GSG1L2: variants seen among roughly 807,000 people sequenced by gnomAD.
GSG1L2 encodes the protein GSG1 like 2, also known as germ cell-specific gene 1-like protein 2.
GSG1L2 carries 15 observed loss-of-function variants against 9.0 expected under a neutral mutation model. That is an observed-to-expected ratio of 1.67 (90% CI 1.12 to 2.57). The LOEUF is 2.57. GSG1L2 is among the 30% of genes most tolerant of loss of function. The probability of loss-of-function intolerance (pLI) is 0.00; values close to 1 mark genes in which losing one functional copy is unlikely to be tolerated. For synonymous variants in GSG1L2, 127 were observed against 57.9 expected (o/e 2.19, Z -5.41); for missense variants, 286 against 150.3 (o/e 1.90, Z -4.72).
At chr17:9,806,394 C>A (rs572454622) in intron 4 of GSG1L2, among the ~76,000 whole-genome samples, 236 of 152,276 alleles carry the variant, frequency 1.5e-3, no homozygotes, top group Middle Eastern at 3.4e-3. Context: ...TGGTGGGTAT[C>A]AGAAGGGTGG....
At chr17:9,816,777 GTGTC>G (rs1567711455) in intron 1 of GSG1L2, among the ~76,000 whole-genome samples, 6 of 148,978 alleles carry the variant, frequency 4.0e-5, no homozygotes, top group East Asian at 2.0e-4. Context: ...GTGTGCGTGT[GTGTC>G]TGTGTGTGCG....
chr17:9,819,972 C>T (rs1478080439), intron 1 of GSG1L2, among the ~76,000 whole-genome samples: 1 of 151,830 alleles, frequency 6.6e-6, no homozygotes, highest in Non-Finnish European at 1.5e-5. Context: ...GCCTGTAATC[C>T]CAGCTTCTGG....
intron 1 of GSG1L2, among the ~76,000 whole-genome samples, chr17:9,818,819 C>T (rs1009433278): frequency 3.3e-5 from 5 of 152,144 alleles, no homozygotes; most frequent in South Asian, 2.1e-4. Flanking sequence ...CTATCACCCC[C>T]GTTTCCATTT....
intron 1 of GSG1L2, among the ~76,000 whole-genome samples, chr17:9,813,695 C>T (rs1597943108): frequency 6.6e-6 from 1 of 152,340 alleles, no homozygotes; most frequent in East Asian, 1.9e-4. Context: ...CACGTCGCCT[C>T]ATCCGATCCC....
chr17:9,816,952 CTG>C (rs1567711634), intron 1 of GSG1L2, among the ~76,000 whole-genome samples: 1 of 73,066 alleles, frequency 1.4e-5, no homozygotes. Context: ...AGTAAACACT[CTG>C]TGGGTTTGCA....
chr17:9,813,317 G>A (rs551531077), intron 1 of GSG1L2, among the ~76,000 whole-genome samples: 47 of 152,130 alleles, frequency 3.1e-4, no homozygotes, highest in Non-Finnish European at 6.5e-4. Flanking sequence ...ACCATTTCCT[G>A]GAGCTTCTCC....
intron 4 of GSG1L2, among the ~76,000 whole-genome samples, chr17:9,807,017 C>T (rs1190914494): frequency 2.6e-5 from 4 of 152,152 alleles, no homozygotes; most frequent in Non-Finnish European, 2.9e-5. Flanking sequence ...TTTTAAGATA[C>T]GATATGCTTC....
intron 1 of GSG1L2, among the ~76,000 whole-genome samples, chr17:9,813,249 C>T (rs1253118496): frequency 6.6e-6 from 1 of 152,218 alleles, no homozygotes. Context: ...CACACTTCTG[C>T]ATCACCCCTC....
At chr17:9,815,586 G>A (rs936086468) in intron 1 of GSG1L2, among the ~76,000 whole-genome samples, 3 of 152,166 alleles carry the variant, frequency 2.0e-5, no homozygotes, top group African/African-American at 4.8e-5. Context: ...GCTAATGTGC[G>A]TTGTGAATTT....
intron 2 of GSG1L2, 85 bp from the exon 3 acceptor site, chr17:9,809,067 C>G (rs149978687): frequency 3.0e-6 from 2 of 661,796 alleles, no homozygotes; most frequent in Non-Finnish European, 5.5e-6. Context: ...TAGTTCACTT[C>G]TAAACAAAAC....
intron 1 of GSG1L2, among the ~76,000 whole-genome samples, chr17:9,817,834 C>T (rs2066573684): frequency 6.6e-6 from 1 of 152,048 alleles, no homozygotes; most frequent in Admixed American, 6.6e-5. Flanking sequence ...ATGGAAAAGC[C>T]ATGTGAGCCA....
At chr17:9,805,715 T>A (rs1456407617) in intron 4 of GSG1L2, 1 of 152,120 alleles carries the variant, frequency 6.6e-6, no homozygotes, top group East Asian at 1.9e-4. Context: ...TGATGATAGC[T>A]CTAGACTGCA....
rs138913105 is a variant in GSG1L2, at chr17:9,815,842, T to C, written c.311-5224A>G. Among the ~76,000 whole-genome samples, 392 of 152,246 alleles carry C rather than the reference T, an allele frequency of 2.6e-3. 1 individual carries two copies. The highest frequency in any genetic ancestry group is 8.7e-3 in the African/African-American group (362 of 41,544). On this transcript the variant is annotated intron_variant, in intron 1 of 4. Coordinates refer to ENST00000399363, the MANE Select transcript of GSG1L2 (RefSeq NM_001310219.2). The stretch of plus-strand genomic sequence containing the variant: ...CAAACTCATGTTGAAATTTAATCCC[T>C]AGTGAGGCAGAATTGAGAGGTGGGA...
chr17:9,805,159 T>A (rs1308673908), intron 4 of GSG1L2: 4 of 152,198 alleles, frequency 2.6e-5, no homozygotes, highest in Non-Finnish European at 5.9e-5. Context: ...ACAAGTGTTT[T>A]CTAAAAGGAG....
chr17:9,816,112 T>C (rs1422468374), intron 1 of GSG1L2, among the ~76,000 whole-genome samples: 1 of 152,228 alleles, frequency 6.6e-6, no homozygotes, highest in African/African-American at 2.4e-5. Context: ...CGACCGTGGA[T>C]TTCCCAGCCT....
chr17:9,818,451 A>G (rs2066576116), intron 1 of GSG1L2, among the ~76,000 whole-genome samples: 1 of 149,384 alleles, frequency 6.7e-6, no homozygotes, highest in African/African-American at 2.5e-5. Context: ...CTCCTGCCTC[A>G]GCCTTCCAAG....
chr17:9,809,850 C>G (rs1028529533), intron 2 of GSG1L2: 1 of 152,220 alleles, frequency 6.6e-6, no homozygotes, highest in African/African-American at 2.4e-5. Flanking sequence ...TCATCTTTGC[C>G]TTTTGCAAGA....
chr17:9,817,513 C>T (rs1368208143), intron 1 of GSG1L2, among the ~76,000 whole-genome samples: 1 of 151,792 alleles, frequency 6.6e-6, no homozygotes, highest in African/African-American at 2.4e-5. Flanking sequence ...CAACCCCCGC[C>T]TCCCAGGTTC....
intron 4 of GSG1L2, among the ~76,000 whole-genome samples, chr17:9,806,966 G>A (rs888857034): frequency 1.3e-5 from 2 of 152,280 alleles, no homozygotes; most frequent in South Asian, 2.1e-4. Flanking sequence ...TAACATAAGA[G>A]GTTGTTATAT....
Sources: gnomAD v4.1 joint callset for allele counts (sites outside exome capture counted in the v4.1 genomes callset) on GRCh38, gnomAD v4.1.1 for gene constraint, MANE v1.5 for transcripts, NCBI Gene and HGNC (gene_info 2026-07-23, HGNC 2026-07-21) for gene names.